HYCC2: variants seen among roughly 807,000 people sequenced by gnomAD.
The protein encoded by HYCC2 is hyccin PI4KA lipid kinase complex subunit 2.
chr2:201,000,075 A>G, the HYCC2 span, among the ~76,000 whole-genome samples: 401 of 149,744 alleles, frequency 2.7e-3, 3 homozygotes, highest in African/African-American at 9.5e-3. Flanking sequence ...AAAAAAAAAA[A>G]AAAAAGAAAT....
the HYCC2 span, chr2:200,979,146 G>C: frequency 6.6e-6 from 1 of 150,900 alleles, no homozygotes; most frequent in African/African-American, 2.4e-5. Context: ...GGCCTTTATA[G>C]CTCATTTATT....
At chr2:201,053,152 C>T in the HYCC2 span, among the ~76,000 whole-genome samples, 17 of 151,182 alleles carry the variant, frequency 1.1e-4, no homozygotes, top group South Asian at 2.1e-4. Flanking sequence ...GACGGAATTT[C>T]GCTCTTGTCA....
chr2:201,044,313 C>T, the HYCC2 span, among the ~76,000 whole-genome samples: 1 of 152,110 alleles, frequency 6.6e-6, no homozygotes, highest in African/African-American at 2.4e-5. Context: ...GTTTTGAACT[C>T]CTGGCCCCAA....
At chr2:201,068,915 G>A in the HYCC2 span, among the ~76,000 whole-genome samples, 4 of 151,466 alleles carry the variant, frequency 2.6e-5, no homozygotes, top group African/African-American at 7.3e-5. Flanking sequence ...AGCAATTCTG[G>A]AAATCAAAAA....
chr2:201,052,893 G>A, the HYCC2 span, among the ~76,000 whole-genome samples: 3 of 152,130 alleles, frequency 2.0e-5, no homozygotes, highest in Admixed American at 6.6e-5. Context: ...GTAGTCAAAC[G>A]AAAACTGATC....
the HYCC2 span, chr2:200,979,183 T>C: frequency 1.3e-5 from 2 of 152,062 alleles, no homozygotes; most frequent in African/African-American, 4.8e-5. Flanking sequence ...TCCTTTCATT[T>C]ATTTGACATC....
the HYCC2 span, chr2:201,023,886 T>C: frequency 1.8e-5 from 20 of 1,134,556 alleles, 1 homozygote; most frequent in South Asian, 1.4e-4. Context: ...TGTTTCTCCA[T>C]AGAGCACATA....
the HYCC2 span, among the ~76,000 whole-genome samples, chr2:201,032,516 CAT>C: frequency 2.6e-5 from 4 of 152,096 alleles, no homozygotes; most frequent in Admixed American, 6.5e-5. Context: ...AATCTTCTTT[CAT>C]ATGTCTTAGT....
the HYCC2 span, among the ~76,000 whole-genome samples, chr2:201,045,899 C>A: frequency 6.6e-6 from 1 of 152,080 alleles, no homozygotes; most frequent in East Asian, 1.9e-4. Context: ...AAAATTAAGT[C>A]CCTTCCAGAC....
chr2:200,991,005 G>C, the HYCC2 span, among the ~76,000 whole-genome samples: 1 of 152,172 alleles, frequency 6.6e-6, no homozygotes, highest in Non-Finnish European at 1.5e-5. Context: ...ACTGCACCCA[G>C]CCTTACATTT....
the HYCC2 span, among the ~76,000 whole-genome samples, chr2:201,000,057 CAA>C: frequency 1.4e-4 from 5 of 34,752 alleles, no homozygotes; most frequent in Non-Finnish European, 1.7e-4. Flanking sequence ...GACTCCGTCT[CAA>C]AAAAAAAAAA....
the HYCC2 span, among the ~76,000 whole-genome samples, chr2:200,984,871 G>A: frequency 3.3e-5 from 5 of 152,208 alleles, 1 homozygote; most frequent in Admixed American, 3.3e-4. Flanking sequence ...GTCACACCTG[G>A]GGAGGCCAAG....
At chr2:201,007,392 T>G in the HYCC2 span, among the ~76,000 whole-genome samples, 1 of 152,224 alleles carries the variant, frequency 6.6e-6, no homozygotes, top group Non-Finnish European at 1.5e-5. Flanking sequence ...TATTTTATAT[T>G]TATCATAAAA....
the HYCC2 span, among the ~76,000 whole-genome samples, chr2:201,034,827 G>A: frequency 2.9e-3 from 436 of 152,166 alleles, 2 homozygotes; most frequent in African/African-American, 0.01. Flanking sequence ...CTCAGCATTC[G>A]CTTGTCTGTA....
At chr2:201,005,744 T>C in the HYCC2 span, among the ~76,000 whole-genome samples, 1 of 152,034 alleles carries the variant, frequency 6.6e-6, no homozygotes, top group East Asian at 1.9e-4. Context: ...AAACCTAACC[T>C]CTCTCCAAGG....
chr2:201,039,252 G>A, the HYCC2 span, among the ~76,000 whole-genome samples: 1 of 152,004 alleles, frequency 6.6e-6, no homozygotes, highest in Non-Finnish European at 1.5e-5. Context: ...TTTTCTACTG[G>A]AATCTGTACT....
chr2:201,016,918 A>G, the HYCC2 span: 9 of 1,461,204 alleles, frequency 6.2e-6, no homozygotes, highest in Non-Finnish European at 8.4e-6. Context: ...TTTTCTCTAA[A>G]CATTCCTTAA....
the HYCC2 span, chr2:200,980,915 G>T: frequency 4.0e-6 from 1 of 248,864 alleles, no homozygotes; most frequent in Non-Finnish European, 7.9e-6. Flanking sequence ...GTTTCATAGG[G>T]ATCATATACA....
chr2:201,071,494 AC>A, the HYCC2 span: 1 of 152,542 alleles, frequency 6.6e-6, no homozygotes, highest in Non-Finnish European at 1.5e-5. Context: ...CACACCGGCT[AC>A]CGCCTTTCCA....
Sources: gnomAD v4.1 joint callset for allele counts (sites outside exome capture counted in the v4.1 genomes callset) on GRCh38, gnomAD v4.1.1 for gene constraint, MANE v1.5 for transcripts, NCBI Gene and HGNC (gene_info 2026-07-23, HGNC 2026-07-21) for gene names.